Variants in RAB31 observed in about 807,000 individuals in gnomAD.
RAB31 encodes ras-related protein Rab-31.
RAB31 carries 21 observed loss-of-function variants against 25.6 expected under a neutral mutation model. The observed-to-expected ratio is 0.82, with a 90% CI of 0.58 to 1.18. The LOEUF (loss-of-function observed/expected upper bound fraction) is 1.18, where lower values mean the gene tolerates loss of function less well. Ranked by LOEUF, RAB31 falls within the 50% of genes most tolerant of loss-of-function variation. The pLI, the probability that RAB31 is intolerant of heterozygous loss-of-function variation, is 0.00. For synonymous variants in RAB31, 87 were observed against 84.0 expected, an observed-to-expected ratio of 1.04 and a Z score of -0.20; for missense variants, 196 against 250.1, an observed-to-expected ratio of 0.78 and a Z score of 1.46.
rs2145448654 is a variant in RAB31, at chr18:9,708,494, C to T, written c.39+50C>T. The T allele has an allele frequency of 1.4e-6, 2 of 1,469,350 alleles. No homozygotes were observed. The highest frequency in any genetic ancestry group is 1.5e-5 in the African/African-American group (1 of 68,272). The allele number at this position is 1,469,350 out of a possible 1,614,324, so 91.0% of individuals were successfully genotyped here. A position where few individuals can be genotyped will look rare whatever the true frequency, so the allele number is the denominator to read the frequency against. ...GCGGACCCCGGCCCGCGCTCTCGCGCCCCTTCGCTCCCCTATTCCCTGCGC... is the reference window on the plus strand; with the variant it reads ...GCGGACCCCGGCCCGCGCTCTCGCGTCCCTTCGCTCCCCTATTCCCTGCGC... On this transcript the variant is annotated intron_variant, in intron 1 of 6. Transcript: ENST00000578921. This position sits in a 1 kb window ranked among gnomAD's most constrained non-coding sequence, Gnocchi z 6.4.
At chr18:9,735,503 A>G (rs2068146697) in intron 1 of RAB31, 1 of 205,808 alleles carries the variant, frequency 4.9e-6, no homozygotes, top group African/African-American at 2.3e-5. Context: ...CACCACCTGC[A>G]TTACCACAGC....
At position 9,716,934 on chromosome 18, in the gene RAB31, T is replaced by TTTCTTTCTTTCTTTCTTTCTTTC. The variant is rs763677584; in HGVS notation, c.39+8492_39+8493insCTTTCTTTCTTTCTTTCTTTCTT. Among the ~76,000 whole-genome samples the TTTCTTTCTTTCTTTCTTTCTTTC allele has an allele frequency of 8.4e-4, 106 of 125,528 alleles. 3 individuals are homozygous for TTTCTTTCTTTCTTTCTTTCTTTC. In the East Asian group the frequency reaches 8.7e-3, roughly 10 times the overall value. 82.4% of individuals were successfully genotyped at this position (125,528 alleles called of 152,430 possible). On this transcript the variant is annotated intron_variant, in intron 1 of 6. Transcript: ENST00000578921. Reference sequence around the variant, plus strand: ...ATTTTCTTTCTTTCTTTCTTTCTTTTTTTTTTGGTAGAGATGGGGTCTTGC... The same window carrying TTTCTTTCTTTCTTTCTTTCTTTC: ...ATTTTCTTTCTTTCTTTCTTTCTTTTTTCTTTCTTTCTTTCTTTCTTTCTTTTTTGGTAGAGATGGGGTCTTGC...
intron 2 of RAB31, among the ~76,000 whole-genome samples, chr18:9,786,581 T>C (rs1289494931): frequency 2.0e-5 from 3 of 152,142 alleles, no homozygotes; most frequent in Admixed American, 6.5e-5. Flanking sequence ...GGAGAGAGTG[T>C]CAGAATTGAA....
intron 1 of RAB31, among the ~76,000 whole-genome samples, chr18:9,733,887 G>A (rs1452663817): frequency 6.6e-6 from 1 of 152,028 alleles, no homozygotes; most frequent in Non-Finnish European, 1.5e-5. Context: ...AAAATAGGAG[G>A]CATGGTTACT....
At chr18:9,808,864 G>T (rs1039717809) in intron 3 of RAB31, among the ~76,000 whole-genome samples, 2 of 152,246 alleles carry the variant, frequency 1.3e-5, no homozygotes, top group Non-Finnish European at 2.9e-5. Flanking sequence ...AGCTGTGCTT[G>T]TTGGGAAACT....
intron 1 of RAB31, among the ~76,000 whole-genome samples, chr18:9,740,376 C>A (rs973086085): frequency 1.3e-5 from 2 of 152,190 alleles, no homozygotes; most frequent in Non-Finnish European, 2.9e-5. Context: ...CAGGATGACA[C>A]CTCTTTACAG....
At chr18:9,801,835 T>G (rs1232217870) in intron 3 of RAB31, among the ~76,000 whole-genome samples, 1 of 152,256 alleles carries the variant, frequency 6.6e-6, no homozygotes, top group Non-Finnish European at 1.5e-5. Flanking sequence ...ATCCCTGTGA[T>G]GCATTTGGAG....
rs148679590 is a variant in RAB31 at position 9,764,098 on chromosome 18, T to C, written c.40-11180T>C. Among the ~76,000 whole-genome samples the C allele has an allele frequency of 2.6e-5, 4 of 152,320 alleles. No homozygotes were observed. In the East Asian group the frequency reaches 7.7e-4, roughly 29 times the overall value. ...TTCTTTATTTACAGCATCAGTTCAA[T>C]GGAAAAACGCATATTTTAGTTTCAC... On this transcript the variant is annotated intron_variant, in intron 1 of 6. Transcript: ENST00000578921.
chr18:9,768,993 T>C (rs980475696), intron 1 of RAB31, among the ~76,000 whole-genome samples: 1 of 152,212 alleles, frequency 6.6e-6, no homozygotes, highest in Non-Finnish European at 1.5e-5. Flanking sequence ...TTTTCAAAGA[T>C]CAGATGTTTG....
At chr18:9,762,710 T>C (rs534496870) in intron 1 of RAB31, among the ~76,000 whole-genome samples, 2 of 152,298 alleles carry the variant, frequency 1.3e-5, no homozygotes, top group African/African-American at 4.8e-5. Flanking sequence ...GAAGGAGTTA[T>C]GGAACTTGCT....
chr18:9,838,474 TC>T (rs2068715867), intron 5 of RAB31, among the ~76,000 whole-genome samples: 1 of 152,140 alleles, frequency 6.6e-6, no homozygotes, highest in Non-Finnish European at 1.5e-5. Flanking sequence ...TGGATTTGAT[TC>T]CCTTCCCTCA....
intron 1 of RAB31, chr18:9,735,594 T>G (rs920599275): frequency 5.6e-6 from 1 of 179,838 alleles, no homozygotes; most frequent in African/African-American, 2.4e-5. Flanking sequence ...TTCCTCAGTC[T>G]GGATGGCATG....
At chr18:9,737,308 C>A (rs2068155740) in intron 1 of RAB31, among the ~76,000 whole-genome samples, 2 of 151,416 alleles carry the variant, frequency 1.3e-5, no homozygotes, top group South Asian at 4.2e-4. Context: ...GTGACACGTG[C>A]ACACACACAC....
At chr18:9,776,457 C>T (rs1402146165) in intron 2 of RAB31, among the ~76,000 whole-genome samples, 1 of 152,044 alleles carries the variant, frequency 6.6e-6, no homozygotes, top group Admixed American at 6.6e-5. Context: ...GGCTGATAGG[C>T]CAGTAGTTGG....
In RAB31 at chr18:9,809,077, C is replaced by T. The variant is rs573668077; in HGVS notation, c.202-4943C>T. On this transcript the variant is annotated intron_variant, in intron 3 of 6. Coordinates refer to ENST00000578921, the MANE Select transcript of RAB31 (RefSeq NM_006868.4). Reference sequence around the variant, plus strand: ...GTGTGCGCGCGCACGCGTGGGTGTGCGAGCACATAAGGCAGTACAGGATGG... The same window carrying T: ...GTGTGCGCGCGCACGCGTGGGTGTGTGAGCACATAAGGCAGTACAGGATGG... Among the ~76,000 whole-genome samples, 34 of 152,226 alleles carry T rather than the reference C, an allele frequency of 2.2e-4. No individual in the cohort carries two copies. In the South Asian group the frequency reaches 2.7e-3, roughly 12 times the overall value.
At chr18:9,784,136 A>G (rs951584004) in intron 2 of RAB31, among the ~76,000 whole-genome samples, 1 of 152,118 alleles carries the variant, frequency 6.6e-6, no homozygotes, top group East Asian at 1.9e-4. Flanking sequence ...TCCTGGGCTC[A>G]AGGGATCCTC....
At position 9,771,891 on chromosome 18, in the gene RAB31, G is replaced by A. The variant is rs146549633; in HGVS notation, c.40-3387G>A. 7.4e-4 allele frequency among the ~76,000 whole-genome samples: 112 copies of A among 152,340 alleles called. 1 individual carries two copies. The highest frequency in any genetic ancestry group is 2.5e-3 in the African/African-American group (106 of 41,574). On this transcript the variant is annotated intron_variant, in intron 1 of 6. Coordinates refer to ENST00000578921, the MANE Select transcript of RAB31 (RefSeq NM_006868.4). ...TTTGACAGTGCATTCTAAAAGAGGT[G>A]AGAGTTAAAATGTTTCAAAATAAAG...
intron 1 of RAB31, among the ~76,000 whole-genome samples, chr18:9,754,807 G>A (rs930850453): frequency 2.0e-5 from 3 of 152,164 alleles, no homozygotes; most frequent in African/African-American, 7.2e-5. Context: ...GATACCGAGG[G>A]ACAACTGTAT....
rs2068016482 is a variant in RAB31 at position 9,711,377 on chromosome 18, A to G, written c.39+2933A>G. ...TAAGTCCAAAAGTCCTTTAAAAAAT[A>G]TATGTATATTTTTGAGATAGGGTCT... On this transcript the variant is annotated intron_variant, in intron 1 of 6. Coordinates refer to ENST00000578921, the MANE Select transcript of RAB31 (RefSeq NM_006868.4). Among the ~76,000 whole-genome samples the G allele has an allele frequency of 3.3e-5, 5 of 151,198 alleles. No homozygotes were observed. In the South Asian group the frequency reaches 1.1e-3, roughly 32 times the overall value.
Sources: allele counts gnomAD v4.1 joint callset (sites outside exome capture counted in the v4.1 genomes callset), GRCh38; gene constraint gnomAD v4.1.1; non-coding constraint Gnocchi (gnomAD v3.1); transcripts MANE v1.5; gene names NCBI Gene and HGNC (gene_info 2026-07-23, HGNC 2026-07-21).